Variants in FSTL5 observed in about 807,000 individuals in gnomAD.
The protein encoded by FSTL5 is follistatin-related protein 5.
Under a neutral mutation model 89.1 loss-of-function variants are expected in FSTL5, and 62 were observed. The ratio of observed to expected loss-of-function variants is 0.70; its 90% CI spans 0.57 to 0.86. The LOEUF (loss-of-function observed/expected upper bound fraction) is 0.86. Ranked by LOEUF, FSTL5 falls within the 40% of genes least tolerant of loss-of-function variation. The probability of loss-of-function intolerance (pLI) is 0.00; values close to 1 mark genes in which losing one functional copy is unlikely to be tolerated. For synonymous variants in FSTL5, 383 were observed against 346.2 expected (o/e 1.11, Z -1.18); for missense variants, 1,057 against 1,001.6 (o/e 1.06, Z -0.75).
intron 4 of FSTL5, among the ~76,000 whole-genome samples, chr4:161,917,678 C>T (rs575606736): frequency 2.3e-3 from 344 of 152,216 alleles, no homozygotes; most frequent in Non-Finnish European, 3.6e-3. Context: ...TAAAGATCTG[C>T]TAATAATTTT....
intron 6 of FSTL5, among the ~76,000 whole-genome samples, chr4:161,690,719 T>TG (rs1436917611): frequency 6.6e-6 from 1 of 152,132 alleles, no homozygotes; most frequent in African/African-American, 2.4e-5. Flanking sequence ...AGTTGTGTCA[T>TG]GGGGGTTTGT....
At chr4:161,483,227 G>A (rs955662599) in intron 12 of FSTL5, among the ~76,000 whole-genome samples, 15 of 152,120 alleles carry the variant, frequency 9.9e-5, no homozygotes, top group African/African-American at 3.6e-4. Context: ...TCTATTTTGC[G>A]AGAAACAAAC....
intron 15 of FSTL5, among the ~76,000 whole-genome samples, chr4:161,404,395 T>G (rs77114766): frequency 2.6e-5 from 4 of 151,986 alleles, no homozygotes; most frequent in Non-Finnish European, 4.4e-5. Context: ...GCAGGACACA[T>G]GTTCAATGAG....
intron 7 of FSTL5, among the ~76,000 whole-genome samples, chr4:161,603,948 T>C (rs1452989762): frequency 6.6e-6 from 1 of 151,966 alleles, no homozygotes; most frequent in East Asian, 1.9e-4. Context: ...ATAGACTTTG[T>C]AAAAACTAAT....
intron 7 of FSTL5, among the ~76,000 whole-genome samples, chr4:161,636,460 C>CTTTTTTTT (rs67780564): frequency 8.3e-6 from 1 of 121,076 alleles, no homozygotes; most frequent in Non-Finnish European, 1.7e-5. Context: ...TTTTTTTTTT[C>CTTTTTTTT]TTTTTTTTTT....
At chr4:161,830,642 G>A (rs2126860659) in intron 4 of FSTL5, among the ~76,000 whole-genome samples, 1 of 152,010 alleles carries the variant, frequency 6.6e-6, no homozygotes, top group Non-Finnish European at 1.5e-5. Flanking sequence ...ACATGCTTTT[G>A]TCTGTTTAAC....
At chr4:161,945,727 G>C (rs1239334053) in intron 3 of FSTL5, among the ~76,000 whole-genome samples, 2 of 152,100 alleles carry the variant, frequency 1.3e-5, no homozygotes, top group Non-Finnish European at 2.9e-5. Flanking sequence ...ACTCCAACCT[G>C]GGCAACAGAG....
At chr4:161,989,907 G>A (rs181854893) in intron 3 of FSTL5, among the ~76,000 whole-genome samples, 1 of 152,206 alleles carries the variant, frequency 6.6e-6, no homozygotes, top group East Asian at 1.9e-4. Flanking sequence ...ATAAATAGCT[G>A]TTTACACCTC....
At chr4:161,748,606 G>GTTTTT (rs5863480) in intron 6 of FSTL5, among the ~76,000 whole-genome samples, 3 of 103,544 alleles carry the variant, frequency 2.9e-5, no homozygotes, top group Admixed American at 1.0e-4. Flanking sequence ...GGGGAAGCAC[G>GTTTTT]TTTTTTTTTT....
rs957971599 is a variant in FSTL5, at chr4:162,096,277, C to T, written c.126+14994G>A. On this transcript the variant is annotated intron_variant, in intron 2 of 15. Coordinates refer to ENST00000306100, the MANE Select transcript of FSTL5 (RefSeq NM_020116.5). ...CTAAAAACCATCTGAAATCAAAATT[C>T]ACAAATCACTAGGTTGTTGCAGCAG... Among the ~76,000 whole-genome samples the T allele has an allele frequency of 1.6e-4, 25 of 151,860 alleles. 1 individual carries two copies. Among genetic ancestry groups the T allele is most frequent in the Admixed American group, 1.6e-3 (25 of 15,216 alleles).
chr4:162,103,192 A>G (rs946952698), intron 2 of FSTL5, among the ~76,000 whole-genome samples: 2 of 152,206 alleles, frequency 1.3e-5, no homozygotes, highest in African/African-American at 4.8e-5. Flanking sequence ...AAAGCAATTC[A>G]GTCCAGTGAA....
At chr4:161,873,836 C>CT in intron 4 of FSTL5, among the ~76,000 whole-genome samples, 1 of 151,772 alleles carries the variant, frequency 6.6e-6, no homozygotes, top group Non-Finnish European at 1.5e-5. Context: ...TTGTTCACCA[C>CT]TTTTTTGCTC....
At chr4:161,669,376 T>C (rs2126696209) in intron 6 of FSTL5, among the ~76,000 whole-genome samples, 1 of 152,178 alleles carries the variant, frequency 6.6e-6, no homozygotes, top group East Asian at 1.9e-4. Flanking sequence ...AGACTGATAC[T>C]ACCTGACTTC....
intron 3 of FSTL5, among the ~76,000 whole-genome samples, chr4:162,007,001 A>G (rs1304916451): frequency 6.6e-6 from 1 of 151,898 alleles, no homozygotes; most frequent in African/African-American, 2.4e-5. Context: ...TGACTTTCTG[A>G]TAATCAAAAT....
At chr4:162,118,276 T>G (rs1456211627) in intron 1 of FSTL5, among the ~76,000 whole-genome samples, 1 of 152,206 alleles carries the variant, frequency 6.6e-6, no homozygotes, top group African/African-American at 2.4e-5. Context: ...GTCTTTTTTT[T>G]TTTTGACGGA....
intron 4 of FSTL5, among the ~76,000 whole-genome samples, chr4:161,916,480 C>G (rs1294655944): frequency 6.6e-6 from 1 of 152,086 alleles, no homozygotes; most frequent in South Asian, 2.1e-4. Flanking sequence ...TAAGGCAGAA[C>G]TGTCTCATCA....
chr4:161,399,369 C>A (rs955627584), intron 15 of FSTL5, among the ~76,000 whole-genome samples: 2 of 152,086 alleles, frequency 1.3e-5, no homozygotes, highest in African/African-American at 2.4e-5. Context: ...TTTATTCTTA[C>A]AATAAAGTAA....
intron 6 of FSTL5, among the ~76,000 whole-genome samples, chr4:161,693,957 C>G (rs1032129042): frequency 1.3e-5 from 2 of 151,936 alleles, no homozygotes; most frequent in African/African-American, 2.4e-5. Context: ...TTCTTTTAAT[C>G]TGTGTAAAGG....
chr4:161,560,079 C>A (rs1437353607), intron 8 of FSTL5, among the ~76,000 whole-genome samples: 1 of 151,680 alleles, frequency 6.6e-6, no homozygotes, highest in Admixed American at 6.6e-5. Context: ...CATCAGCCAT[C>A]ATTAGTGTTA....
Sources: gnomAD v4.1 joint callset for allele counts (sites outside exome capture counted in the v4.1 genomes callset) on GRCh38, gnomAD v4.1.1 for gene constraint, MANE v1.5 for transcripts, NCBI Gene and HGNC (gene_info 2026-07-23, HGNC 2026-07-21) for gene names.